Variants in RBFOX1 observed in about 807,000 individuals in gnomAD.
RBFOX1 encodes the protein RNA binding fox-1 homolog 1, also known as RNA binding protein fox-1 homolog 1.
A neutral mutation model predicts 57.7 loss-of-function variants in RBFOX1; 8 were observed. The observed-to-expected ratio is 0.14, with a 90% confidence interval of 0.08 to 0.25. The LOEUF (loss-of-function observed/expected upper bound fraction) is 0.25. RBFOX1 is among the 10% of genes least tolerant of loss of function. RBFOX1 has a pLI of 1.00. For synonymous variants in RBFOX1, 326 were observed against 222.4 expected (o/e 1.47, Z -4.15); for missense variants, 611 against 548.5 (o/e 1.11, Z -1.14).
intron 3 of RBFOX1, among the ~76,000 whole-genome samples, chr16:6,848,389 C>T (rs556632071): frequency 6.6e-6 from 1 of 152,114 alleles, no homozygotes; most frequent in Non-Finnish European, 1.5e-5. Flanking sequence ...GTCACTAATA[C>T]AAAGTTTTAT....
intron 3 of RBFOX1, among the ~76,000 whole-genome samples, chr16:6,921,325 C>T (rs1475755027): frequency 6.6e-6 from 1 of 152,130 alleles, no homozygotes; most frequent in Non-Finnish European, 1.5e-5. Context: ...CACATGACTC[C>T]AGTGAACCTG....
intron 3 of RBFOX1, among the ~76,000 whole-genome samples, chr16:5,641,808 C>G (rs1431796054): frequency 6.6e-6 from 1 of 152,152 alleles, no homozygotes; most frequent in African/African-American, 2.4e-5. Flanking sequence ...TATGCTCTTC[C>G]TATGGCATTT....
chr16:7,372,505 T>G (rs2097586045), intron 4 of RBFOX1, among the ~76,000 whole-genome samples: 1 of 152,122 alleles, frequency 6.6e-6, no homozygotes, highest in East Asian at 1.9e-4. Context: ...GAAAGAGAGG[T>G]CACATCTTCT....
chr16:5,862,616 C>G (rs12446251), intron 3 of RBFOX1, among the ~76,000 whole-genome samples: 2 of 152,038 alleles, frequency 1.3e-5, no homozygotes, highest in African/African-American at 4.8e-5. Flanking sequence ...TGATAGAGAC[C>G]GGGTTCAGTT....
rs1191559304 is a variant in RBFOX1, at chr16:6,217,991, G to C, written c.-126-99004G>C. On this transcript the variant is annotated intron_variant, in intron 1 of 15. Coordinates refer to ENST00000550418, the MANE Select transcript of RBFOX1 (RefSeq NM_018723.4). ...GGATCCTGCCACTGCATTCTAGCCT[G>C]GAAGGCAGAGTGAGATTCTGTCTCA... Among the ~76,000 whole-genome samples, 47 of 152,262 alleles carry C rather than the reference G, an allele frequency of 3.1e-4. 1 individual carries two copies. In the South Asian group the frequency reaches 9.1e-3, roughly 30 times the overall value.
intron 1 of RBFOX1, among the ~76,000 whole-genome samples, chr16:6,235,560 G>A (rs1598648786): frequency 1.1e-4 from 1 of 9,416 alleles, no homozygotes; most frequent in African/African-American, 1.2e-4. Context: ...GTGTATGTAT[G>A]TGTGTGTGTG....
chr16:7,039,429 C>G (rs960600129), intron 3 of RBFOX1, among the ~76,000 whole-genome samples: 11 of 152,130 alleles, frequency 7.2e-5, no homozygotes, highest in East Asian at 1.9e-4. Flanking sequence ...GCTATTTTCT[C>G]AAGTGTATTT....
chr16:7,112,645 C>A (rs1232190114), intron 4 of RBFOX1, among the ~76,000 whole-genome samples: 1 of 122,498 alleles, frequency 8.2e-6, no homozygotes, highest in African/African-American at 2.7e-5. Context: ...ATCTTAAATG[C>A]AGCCTCAATA....
intron 2 of RBFOX1, among the ~76,000 whole-genome samples, chr16:5,567,835 G>A (rs890398830): frequency 3.3e-5 from 5 of 151,984 alleles, no homozygotes; most frequent in Admixed American, 6.6e-5. Flanking sequence ...CATTATATTC[G>A]TTAATCCCCA....
At chr16:5,911,526 G>T (rs565702676) in intron 4 of RBFOX1, among the ~76,000 whole-genome samples, 3 of 152,254 alleles carry the variant, frequency 2.0e-5, no homozygotes, top group East Asian at 3.9e-4. Context: ...GCTGGTGTAC[G>T]TTATGAGTCT....
intron 2 of RBFOX1, among the ~76,000 whole-genome samples, chr16:6,587,337 C>T (rs561883642): frequency 2.6e-5 from 4 of 152,062 alleles, no homozygotes; most frequent in South Asian, 2.1e-4. Context: ...GCTATAGTGC[C>T]GTGGTGCCAT....
intron 3 of RBFOX1, among the ~76,000 whole-genome samples, chr16:6,658,257 T>TTA (rs2098674808): frequency 6.6e-6 from 1 of 151,516 alleles, no homozygotes; most frequent in Admixed American, 6.6e-5. Context: ...TTTTTTTTTT[T>TTA]AACAGTCTCC....
chr16:6,326,516 C>T (rs1285255373), intron 2 of RBFOX1, among the ~76,000 whole-genome samples: 2 of 152,022 alleles, frequency 1.3e-5, no homozygotes, highest in Non-Finnish European at 2.9e-5. Context: ...AGGTTTTCTC[C>T]TTTCTAATCT....
chr16:6,772,941 TG>T (rs2078598194), intron 3 of RBFOX1, among the ~76,000 whole-genome samples: 3 of 147,826 alleles, frequency 2.0e-5, no homozygotes, highest in South Asian at 2.2e-4. Flanking sequence ...TGTGTGTGTG[TG>T]TATCTATATA....
At chr16:6,738,233 C>G (rs1015367571) in intron 3 of RBFOX1, among the ~76,000 whole-genome samples, 11 of 152,066 alleles carry the variant, frequency 7.2e-5, no homozygotes, top group Non-Finnish European at 1.5e-5. Flanking sequence ...GACAGCAATC[C>G]TTGACAGGAG....
chr16:6,574,194 C>G (rs1600284645), intron 2 of RBFOX1, among the ~76,000 whole-genome samples: 1 of 152,114 alleles, frequency 6.6e-6, no homozygotes, highest in African/African-American at 2.4e-5. Flanking sequence ...AGTCACTTAA[C>G]TTCTCTAGTC....
rs141324645 is a variant in RBFOX1 at position 5,301,431 on chromosome 16, A to G, written c.219+61326A>G. Among the ~76,000 whole-genome samples, 259 of 152,200 alleles carry G rather than the reference A, an allele frequency of 1.7e-3. 1 individual carries two copies. The highest frequency in any genetic ancestry group is 0.01 in the Middle Eastern group (3 of 294). ...TCAGGAGATTGAGACCATCCTGGCT[A>G]ACACGGTGAAACCCCATCTCTACTA... On this transcript the variant is annotated intron_variant, in intron 1 of 2. Coordinates refer to the RBFOX1 transcript ENST00000585867.
intron 2 of RBFOX1, among the ~76,000 whole-genome samples, chr16:6,599,279 C>G (rs1250765179): frequency 6.6e-6 from 1 of 152,118 alleles, no homozygotes; most frequent in African/African-American, 2.4e-5. Context: ...TCCAATAAAG[C>G]AAAACCACAT....
chr16:6,454,749 T>A (rs1202858874), intron 2 of RBFOX1, among the ~76,000 whole-genome samples: 1 of 152,064 alleles, frequency 6.6e-6, no homozygotes. Flanking sequence ...TGAATTGGAC[T>A]TGAGTGAGAA....
Sources: allele counts gnomAD v4.1 joint callset (sites outside exome capture counted in the v4.1 genomes callset), GRCh38; gene constraint gnomAD v4.1.1; transcripts MANE v1.5; gene names NCBI Gene and HGNC (gene_info 2026-07-23, HGNC 2026-07-21).